The following PAQR8 variants were observed in gnomAD, a reference collection of about 807,000 sequenced individuals.
PAQR8 encodes the protein progestin and adipoQ receptor family member 8.
In PAQR8, 17 loss-of-function variants were observed where a neutral mutation model predicts 25.2. That is an observed-to-expected ratio of 0.67 (90% CI 0.46 to 1.01). The LOEUF is 1.01. PAQR8 is among the 50% of genes least tolerant of loss of function. PAQR8 has a pLI of 0.00. For synonymous variants in PAQR8, 204 were observed against 190.6 expected, an observed-to-expected ratio of 1.07 and a Z score of -0.58; for missense variants, 392 against 448.4, an observed-to-expected ratio of 0.87 and a Z score of 1.14.
intron 1 of PAQR8, among the ~76,000 whole-genome samples, chr6:52,390,792 A>G (rs1211824634): frequency 1.3e-5 from 2 of 152,202 alleles, no homozygotes; most frequent in African/African-American, 4.8e-5. Flanking sequence ...TTAATTTGGT[A>G]TGCTAACTAG....
rs1581792422 is a variant in PAQR8 at position 52,382,944 on chromosome 6, G to C, written c.-52-20218G>C. Among the ~76,000 whole-genome samples, 3 of 152,158 alleles carry C rather than the reference G, an allele frequency of 2.0e-5. No homozygotes were observed. In the South Asian group the frequency reaches 6.2e-4, roughly 32 times the overall value. On this transcript the variant is annotated intron_variant, in intron 1 of 1. Transcript: ENST00000442253. Reference sequence around the variant, plus strand: ...CCACAGGCACATACTACCATGCTCAGCTAATTTTCTAAAAGTTATTTTGTA... The same window carrying C: ...CCACAGGCACATACTACCATGCTCACCTAATTTTCTAAAAGTTATTTTGTA...
intron 1 of PAQR8, among the ~76,000 whole-genome samples, chr6:52,369,586 C>T (rs543289681): frequency 1.8e-4 from 27 of 151,960 alleles, no homozygotes; most frequent in Non-Finnish European, 3.5e-4. Flanking sequence ...CAAAACCAGG[C>T]GAAGATGGAC....
intron 1 of PAQR8, among the ~76,000 whole-genome samples, chr6:52,402,594 G>T (rs34782506): frequency 0.23 from 33,120 of 141,874 alleles, 4,119 homozygotes; most frequent in Non-Finnish European, 0.29. Flanking sequence ...TCCAGCCTGG[G>T]CAACAAGAGT....
chr6:52,376,604 A>C (rs1763487673), intron 1 of PAQR8, among the ~76,000 whole-genome samples: 2 of 152,244 alleles, frequency 1.3e-5, no homozygotes, highest in African/African-American at 4.8e-5. Flanking sequence ...AGATTAGCCA[A>C]GTATTTTTAA....
At chr6:52,396,875 G>C (rs1370331453) in intron 1 of PAQR8, among the ~76,000 whole-genome samples, 1 of 152,214 alleles carries the variant, frequency 6.6e-6, no homozygotes, top group African/African-American at 2.4e-5. Flanking sequence ...ATCTAGAGAA[G>C]TTGGATATTT....
intron 1 of PAQR8, among the ~76,000 whole-genome samples, chr6:52,364,087 T>TTTTTTG (rs1554254736): frequency 7.0e-6 from 1 of 141,964 alleles, no homozygotes; most frequent in Non-Finnish European, 1.5e-5. Context: ...AGATATGTTT[T>TTTTTTG]TTTTTTTTTT....
chr6:52,363,044 C>T (rs1449070988), intron 1 of PAQR8, among the ~76,000 whole-genome samples: 1 of 152,016 alleles, frequency 6.6e-6, no homozygotes, highest in East Asian at 1.9e-4. Flanking sequence ...GAGAACGCAG[C>T]GCCCTCGGTG....
intron 1 of PAQR8, among the ~76,000 whole-genome samples, chr6:52,383,565 G>T (rs990367325): frequency 6.6e-6 from 1 of 150,764 alleles, no homozygotes; most frequent in Non-Finnish European, 1.5e-5. Context: ...GGAGGCTGAG[G>T]CAGGAGAATG....
At chr6:52,364,081 A>ATTTTTTTTTTTTTTT (rs1581786362) in intron 1 of PAQR8, among the ~76,000 whole-genome samples, 4 of 39,030 alleles carry the variant, frequency 1.0e-4, no homozygotes, top group Non-Finnish European at 2.3e-4. Flanking sequence ...ATTGAAAGAT[A>ATTTTTTTTTTTTTTT]TGTTTTTTTT....
chr6:52,406,970 G>C lies in PAQR8; in HGVS notation c.*2692G>C, dbSNP rs1019721495. ...TCTTAGAAATAAACTAGGAAATGCA[G>C]ATGTTTTTAACTACTCAGACTTTTG... is the stretch of plus-strand genomic sequence containing the variant. On this transcript the variant is annotated 3_prime_UTR_variant, in exon 2 of 2. Coordinates refer to ENST00000442253, the MANE Select transcript of PAQR8 (RefSeq NM_133367.5). 5.8e-6 allele frequency: 1 copy of C among 173,500 alleles called. No individual in the cohort carries two copies. Among genetic ancestry groups the C allele is most frequent in the Non-Finnish European group, 1.4e-5 (1 of 72,424 alleles). 10.7% of individuals were successfully genotyped at this position (173,500 alleles called of 1,614,324 possible).
At chr6:52,382,103 A>G (rs1453155521) in intron 1 of PAQR8, among the ~76,000 whole-genome samples, 1 of 152,228 alleles carries the variant, frequency 6.6e-6, no homozygotes, top group Non-Finnish European at 1.5e-5. Flanking sequence ...CTTGCCCATA[A>G]GAAACTTATG....
In PAQR8 at chr6:52,407,664, T is replaced by A. The variant is rs1324670974; in HGVS notation, c.*3386T>A. The A allele has an allele frequency of 1.3e-5, 1 of 79,476 alleles. No homozygotes were observed. Among genetic ancestry groups the A allele is most frequent in the Non-Finnish European group, 3.0e-5 (1 of 33,360 alleles). The allele number at this position is 79,476 out of a possible 1,614,324, so 4.9% of individuals were successfully genotyped here. ...GTCTACTAATTCTATTGGTCTTGTG[T>A]TTTGCTTGCTTGGCAAAAAAAAAAA... On this transcript the variant is annotated 3_prime_UTR_variant, in exon 2 of 2. Transcript: ENST00000442253.
At chr6:52,393,758 C>T (rs1400293156) in intron 1 of PAQR8, among the ~76,000 whole-genome samples, 1 of 152,040 alleles carries the variant, frequency 6.6e-6, no homozygotes, top group Non-Finnish European at 1.5e-5. Flanking sequence ...GTTTAGTGGT[C>T]AGAGAGACAT....
At position 52,407,235 on chromosome 6, in the gene PAQR8, C is replaced by T. The variant is rs474848; in HGVS notation, c.*2957C>T. On this transcript the variant is annotated 3_prime_UTR_variant, in exon 2 of 2. Coordinates refer to ENST00000442253, the MANE Select transcript of PAQR8 (RefSeq NM_133367.5). ...AACTAAACTATCAGTCATTTACATC[C>T]TCTCATGAATGAAATGCAGTGTAGG... 125,099 of 166,976 alleles carry T rather than the reference C, an allele frequency of 0.75. 47,445 individuals are homozygous for T. Among genetic ancestry groups the T allele is most frequent in the African/African-American group, 0.85 (35,385 of 41,514 alleles). 10.3% of individuals were successfully genotyped at this position (166,976 alleles called of 1,614,324 possible). A position where few individuals can be genotyped will look rare whatever the true frequency, so the allele number is the denominator to read the frequency against.
intron 1 of PAQR8, among the ~76,000 whole-genome samples, chr6:52,380,316 G>A (rs1179786430): frequency 6.6e-6 from 1 of 152,202 alleles, no homozygotes; most frequent in Admixed American, 6.5e-5. Context: ...GTCCACCCGT[G>A]GTATGGCAAT....
chr6:52,363,043 G>C (rs1169534299), intron 1 of PAQR8, among the ~76,000 whole-genome samples: 1 of 152,108 alleles, frequency 6.6e-6, no homozygotes, highest in East Asian at 1.9e-4. Context: ...TGAGAACGCA[G>C]CGCCCTCGGT....
Position 52,406,131 on chromosome 6 carries a change from A to G in PAQR8, c.*1853A>G, listed in dbSNP as rs577354450. 46 of 186,238 alleles carry G rather than the reference A, an allele frequency of 2.5e-4. No individual in the cohort carries two copies. Among genetic ancestry groups the G allele is most frequent in the South Asian group, 6.0e-4 (3 of 5,012 alleles). 11.5% of individuals were successfully genotyped at this position (186,238 alleles called of 1,614,324 possible). A position where few individuals can be genotyped will look rare whatever the true frequency, so the allele number is the denominator to read the frequency against. On this transcript the variant is annotated 3_prime_UTR_variant, in exon 2 of 2. Transcript: ENST00000442253. ...GGTGTCTAGGACAAATTTATGGCAAATAAAATTAGCAAAACTGAACTGGGT... is the reference window on the plus strand; with the variant it reads ...GGTGTCTAGGACAAATTTATGGCAAGTAAAATTAGCAAAACTGAACTGGGT...
intron 1 of PAQR8, among the ~76,000 whole-genome samples, chr6:52,364,421 G>C (rs57742196): frequency 0.026 from 3,988 of 152,166 alleles, 181 homozygotes; most frequent in African/African-American, 0.09. Context: ...TATTCACTTG[G>C]ACGTAACACT....
At chr6:52,377,281 A>G (rs1338831118) in intron 1 of PAQR8, among the ~76,000 whole-genome samples, 1 of 151,836 alleles carries the variant, frequency 6.6e-6, no homozygotes, top group African/African-American at 2.4e-5. Context: ...GTTGGCCTTT[A>G]TTATTATTTT....
Sources: allele counts gnomAD v4.1 joint callset (sites outside exome capture counted in the v4.1 genomes callset), GRCh38; gene constraint gnomAD v4.1.1; transcripts MANE v1.5; gene names NCBI Gene and HGNC (gene_info 2026-07-23, HGNC 2026-07-21).